The following AGBL4 variants were observed in gnomAD, a reference collection of about 807,000 sequenced individuals.
AGBL4 encodes cytosolic carboxypeptidase 6.
In AGBL4, 58 loss-of-function variants were observed where a neutral mutation model predicts 66.4. That is an observed-to-expected ratio of 0.87 (90% CI 0.71 to 1.09). The LOEUF (loss-of-function observed/expected upper bound fraction) is 1.09, where lower values mean the gene tolerates loss of function less well. AGBL4 is among the 50% of genes least tolerant of loss of function. The pLI, the probability that AGBL4 is intolerant of heterozygous loss-of-function variation, is 0.00. For missense variants in AGBL4, 579 were observed against 631.0 expected, an observed-to-expected ratio of 0.92 and a Z score of 0.88; for synonymous variants, 234 against 222.9, an observed-to-expected ratio of 1.05 and a Z score of -0.44.
At chr1:49,192,523 T>G (rs552744904) in intron 4 of AGBL4, among the ~76,000 whole-genome samples, 1 of 152,202 alleles carries the variant, frequency 6.6e-6, no homozygotes, top group African/African-American at 2.4e-5. Flanking sequence ...GGTCGCAAAC[T>G]CCTGACCTCA....
chr1:48,530,555 A>G (rs1248332652), downstream of AGBL4, among the ~76,000 whole-genome samples: 2 of 152,194 alleles, frequency 1.3e-5, no homozygotes, highest in East Asian at 1.9e-4. Context: ...AAGCTTCTAG[A>G]CAAAGGCTCA....
intron 5 of AGBL4, among the ~76,000 whole-genome samples, chr1:48,943,801 T>A (rs1215229317): frequency 6.6e-6 from 1 of 152,030 alleles, no homozygotes; most frequent in Non-Finnish European, 1.5e-5. Flanking sequence ...GGTGGTGGTG[T>A]TGATGGTGCC....
chr1:48,543,733 C>T (rs1375445162), intron 11 of AGBL4, among the ~76,000 whole-genome samples: 1 of 152,198 alleles, frequency 6.6e-6, no homozygotes, highest in African/African-American at 2.4e-5. Flanking sequence ...AAGAAGTCCC[C>T]AAGCTGGGGT....
intron 5 of AGBL4, among the ~76,000 whole-genome samples, chr1:49,033,302 A>G (rs930003943): frequency 6.6e-6 from 1 of 151,996 alleles, no homozygotes; most frequent in Non-Finnish European, 1.5e-5. Context: ...AGCCCACGGA[A>G]CTCTACTGAG....
chr1:49,268,107 G>C (rs1372881235), intron 3 of AGBL4: 1 of 152,120 alleles, frequency 6.6e-6, no homozygotes, highest in Non-Finnish European at 1.5e-5. Context: ...TGATGGGAAA[G>C]TCAAGGATAA....
intron 6 of AGBL4, among the ~76,000 whole-genome samples, chr1:48,789,953 G>T (rs2148728616): frequency 6.6e-6 from 1 of 152,316 alleles, no homozygotes; most frequent in South Asian, 2.1e-4. Flanking sequence ...AAACAACGAG[G>T]TATATTTTTC....
chr1:49,643,131 A>C (rs2124414809), intron 3 of AGBL4, among the ~76,000 whole-genome samples: 1 of 152,100 alleles, frequency 6.6e-6, no homozygotes, highest in South Asian at 2.1e-4. Flanking sequence ...AAAATAGATA[A>C]ATCAGATGGC....
At chr1:48,702,777 T>C (rs947166138) in intron 6 of AGBL4, among the ~76,000 whole-genome samples, 1 of 152,188 alleles carries the variant, frequency 6.6e-6, no homozygotes, top group South Asian at 2.1e-4. Flanking sequence ...TTTTAGGTAC[T>C]ATTCTGGGCA....
chr1:49,273,884 G>A (rs911085923), intron 3 of AGBL4, among the ~76,000 whole-genome samples: 4 of 152,002 alleles, frequency 2.6e-5, no homozygotes, highest in Admixed American at 6.6e-5. Context: ...GGGTTTCACC[G>A]TGTTAGCCAG....
intron 3 of AGBL4, among the ~76,000 whole-genome samples, chr1:49,516,064 G>C (rs1157163879): frequency 1.4e-5 from 2 of 146,230 alleles, no homozygotes; most frequent in East Asian, 2.0e-4. Flanking sequence ...AATCAAGACT[G>C]CCCCCCCCCA....
chr1:49,656,477 A>G (rs1646136076), intron 3 of AGBL4, among the ~76,000 whole-genome samples: 1 of 152,218 alleles, frequency 6.6e-6, no homozygotes, highest in African/African-American at 2.4e-5. Flanking sequence ...ATCAATAGAA[A>G]AAGAGGGAAT....
At chr1:49,077,584 A>G (rs914116052) in intron 4 of AGBL4, among the ~76,000 whole-genome samples, 2 of 152,200 alleles carry the variant, frequency 1.3e-5, no homozygotes, top group East Asian at 3.8e-4. Flanking sequence ...CTAACTTGTT[A>G]GTAAGGTATC....
At chr1:49,056,200 T>C (rs944106341) in intron 4 of AGBL4, among the ~76,000 whole-genome samples, 1 of 151,968 alleles carries the variant, frequency 6.6e-6, no homozygotes, top group Non-Finnish European at 1.5e-5. Context: ...AAAAATATAT[T>C]GCCCAAGAGC....
intron 3 of AGBL4, among the ~76,000 whole-genome samples, chr1:49,363,366 T>A (rs929266368): frequency 1.3e-5 from 2 of 152,192 alleles, no homozygotes; most frequent in Non-Finnish European, 2.9e-5. Flanking sequence ...CCAGCTGATA[T>A]TATTTAAAAT....
chr1:49,807,587 T>C (rs1173393060), intron 2 of AGBL4, among the ~76,000 whole-genome samples: 3 of 152,202 alleles, frequency 2.0e-5, no homozygotes, highest in Non-Finnish European at 4.4e-5. Context: ...ATTGAGATGA[T>C]AGATGAGACT....
At chr1:48,531,674 C>A (rs1267467023), downstream of AGBL4, among the ~76,000 whole-genome samples, 1 of 152,188 alleles carries the variant, frequency 6.6e-6, no homozygotes, top group Non-Finnish European at 1.5e-5. Context: ...CAGCACAGAA[C>A]AAGTTTGCTT....
Position 48,533,665 on chromosome 1 carries a change from A to T in AGBL4, c.*508T>A, listed in dbSNP as rs1196208054. 1 of 161,378 alleles carries T rather than the reference A, an allele frequency of 6.2e-6. No individual in the cohort carries two copies. The highest frequency in any genetic ancestry group is 1.3e-5 in the Non-Finnish European group (1 of 74,398). The allele number at this position is 161,378 out of a possible 1,614,324, so 10.0% of individuals were successfully genotyped here. A position where few individuals can be genotyped will look rare whatever the true frequency, so the allele number is the denominator to read the frequency against. On this transcript the variant is annotated 3_prime_UTR_variant, in exon 14 of 14. Coordinates refer to ENST00000371839, the MANE Select transcript of AGBL4 (RefSeq NM_032785.4). ...ATTTAAGTCCACCGTTGATTTCAAA[A>T]ATTCTGTCCCATTGTTCCCTAGGAT...
In AGBL4 at chr1:49,174,755, G is replaced by A. The variant is rs181171464; in HGVS notation, c.377+71015C>T. ...GATACATGTAATATTTTCTTTATCA[G>A]CAATAAAGATGATATCTTTAATCTC... On this transcript the variant is annotated intron_variant, in intron 4 of 13. Coordinates refer to ENST00000371839, the MANE Select transcript of AGBL4 (RefSeq NM_032785.4). 3 of 152,026 alleles carry A rather than the reference G, an allele frequency of 2.0e-5. No individual in the cohort carries two copies. In the East Asian group the frequency reaches 5.8e-4, roughly 29 times the overall value. 9.4% of individuals were successfully genotyped at this position (152,026 alleles called of 1,614,324 possible).
intron 3 of AGBL4, among the ~76,000 whole-genome samples, chr1:49,491,492 C>T (rs1647183599): frequency 6.6e-6 from 1 of 151,882 alleles, no homozygotes; most frequent in African/African-American, 2.4e-5. Context: ...TGAAATGCCA[C>T]ATTTGACCTT....
Sources: gnomAD v4.1 joint callset for allele counts (sites outside exome capture counted in the v4.1 genomes callset) on GRCh38, gnomAD v4.1.1 for gene constraint, MANE v1.5 for transcripts, NCBI Gene and HGNC (gene_info 2026-07-23, HGNC 2026-07-21) for gene names.